The following RGS22 variants were observed in gnomAD, a reference collection of about 807,000 sequenced individuals.
RGS22 encodes the protein regulator of G protein signaling 22.
RGS22 carries 148 observed loss-of-function variants against 172.9 expected under a neutral mutation model. The ratio of observed to expected loss-of-function variants is 0.86; its 90% confidence interval spans 0.75 to 0.98. The LOEUF (loss-of-function observed/expected upper bound fraction) is 0.98. Among genes scored for constraint, RGS22 ranks in the 50% least tolerant of loss-of-function variants. The pLI is 0.00. For missense variants in RGS22, 1,347 were observed against 1,440.8 expected (o/e 0.93, Z 1.05); for synonymous variants, 458 against 480.2 (o/e 0.95, Z 0.60).
chr8:100,081,356 G>C (rs916461551), intron 3 of RGS22, among the ~76,000 whole-genome samples: 1 of 106,116 alleles, frequency 9.4e-6, no homozygotes, highest in Non-Finnish European at 1.9e-5. Context: ...ATATGTGTGC[G>C]TGTATGTATA....
At position 100,001,236 on chromosome 8, in the gene RGS22, A is replaced by ATATATATATATACT. The variant is rs1554611213; in HGVS notation, c.2790+965_2790+966insAGTATATATATATA. 1.1e-4 allele frequency among the ~76,000 whole-genome samples: 14 copies of ATATATATATATACT among 128,654 alleles called. No individual in the cohort carries two copies. The South Asian group carries it at 3.2e-3, about 29-fold the overall frequency. 84.4% of individuals were successfully genotyped at this position (128,654 alleles called of 152,430 possible). A position where few individuals can be genotyped will look rare whatever the true frequency, so the allele number is the denominator to read the frequency against. ...TATATATATACATATATATATATACATTTTTTTTTTTTTTGAGACACAGTC... is the reference window on the plus strand; with the variant it reads ...TATATATATACATATATATATATACATATATATATATACTTTTTTTTTTTTTTTGAGACACAGTC... On this transcript the variant is annotated intron_variant, in intron 18 of 27. Transcript: ENST00000360863.
chr8:99,974,788 ACT>A, intron 23 of RGS22, among the ~76,000 whole-genome samples: 1 of 144,744 alleles, frequency 6.9e-6, no homozygotes, highest in Non-Finnish European at 1.5e-5. Flanking sequence ...ACAGAGCAAG[ACT>A]CTGTCAAAAA....
At chr8:99,962,294 A>T (rs1483469606) in intron 27 of RGS22, 100 bp downstream of exon 27, 1 of 740,394 alleles carries the variant, frequency 1.4e-6, no homozygotes, top group African/African-American at 1.8e-5. Context: ...GGGACATGTT[A>T]TATGTGTGGT....
chr8:100,073,801 T>G (rs1192857524), intron 4 of RGS22, among the ~76,000 whole-genome samples: 1 of 152,252 alleles, frequency 6.6e-6, no homozygotes, highest in Non-Finnish European at 1.5e-5. Flanking sequence ...ACAGTTTACC[T>G]ATAATTCATC....
Position 99,986,376 on chromosome 8 carries a change from G to T in RGS22, c.3180+1082C>A, listed in dbSNP as rs187307843. On this transcript the variant is annotated intron_variant, in intron 21 of 27. Coordinates refer to ENST00000360863, the MANE Select transcript of RGS22 (RefSeq NM_015668.5). The stretch of plus-strand genomic sequence containing the variant: ...TGAGCAACTACTAACTGTATGTTGA[G>T]CAACTGTATTAGTGTCATATAATAT... 2.0e-3 allele frequency among the ~76,000 whole-genome samples: 300 copies of T among 152,256 alleles called. 1 individual carries two copies. Among genetic ancestry groups the T allele is most frequent in the African/African-American group, 6.9e-3 (288 of 41,536 alleles).
rs201975196 is a variant in RGS22 at position 100,082,983 on chromosome 8, GATAACATAGT to G, written c.118-2638_118-2629del. ...GAACAAAGAAAAAAGACTTGAAGTA[GATAACATAGT>G]ATAACCAGATCATGAAAGGCTTTGC... On this transcript the variant is annotated intron_variant, in intron 3 of 27. Coordinates refer to ENST00000360863, the MANE Select transcript of RGS22 (RefSeq NM_015668.5). Among the ~76,000 whole-genome samples the G allele has an allele frequency of 5.2e-3, 792 of 152,340 alleles. 6 individuals are homozygous for G. The highest frequency in any genetic ancestry group is 0.017 in the African/African-American group (725 of 41,576).
chr8:100,039,143 A>G (rs1819829872), intron 13 of RGS22, 111 bp from the exon 14 acceptor site: 1 of 489,220 alleles, frequency 2.0e-6, no homozygotes. Context: ...ACCATAAATC[A>G]GGTTCAATTT....
chr8:100,045,160 G>C (rs1308146041), intron 11 of RGS22, among the ~76,000 whole-genome samples: 2 of 151,880 alleles, frequency 1.3e-5, no homozygotes, highest in Non-Finnish European at 2.9e-5. Context: ...TGTAGTCCTA[G>C]TTACTTGGGA....
At chr8:100,050,566 G>A (rs1047153007) in intron 10 of RGS22, among the ~76,000 whole-genome samples, 1 of 152,172 alleles carries the variant, frequency 6.6e-6, no homozygotes, top group Non-Finnish European at 1.5e-5. Flanking sequence ...TTTCCAAGAG[G>A]TTGTATGTGA....
At chr8:99,963,028 A>G in intron 24 of RGS22, 50 bp from the exon 25 acceptor site, 1 of 1,431,946 alleles carries the variant, frequency 7.0e-7, no homozygotes, top group Non-Finnish European at 9.4e-7. Flanking sequence ...GCTTTAGGAA[A>G]TAAACTGAAG....
chr8:100,063,409 G>A lies in RGS22; in HGVS notation c.1352+7C>T. 6.7e-7 allele frequency: 1 copy of A among 1,499,804 alleles called. No individual in the cohort carries two copies. The highest frequency in any genetic ancestry group is 8.9e-7 in the Non-Finnish European group (1 of 1,122,486). 92.9% of individuals were successfully genotyped at this position (1,499,804 alleles called of 1,614,324 possible). ...AAAACTATTGAAAAATAAAAAAATA[G>A]AATTACCTTTGATGTCTTCCAGGAT... On this transcript the variant is annotated splice_region_variant and intron_variant, in intron 8 of 27. Coordinates refer to ENST00000360863, the MANE Select transcript of RGS22 (RefSeq NM_015668.5).
chr8:100,100,530 T>C (rs1813390715), intron 2 of RGS22, among the ~76,000 whole-genome samples: 1 of 152,168 alleles, frequency 6.6e-6, no homozygotes, highest in African/African-American at 2.4e-5. Flanking sequence ...CCTCAGGTGA[T>C]CTGCCTGCGA....
intron 23 of RGS22, among the ~76,000 whole-genome samples, chr8:99,967,220 C>T (rs1810835006): frequency 2.0e-5 from 3 of 152,200 alleles, no homozygotes; most frequent in Non-Finnish European, 4.4e-5. Context: ...CCACGGTCTT[C>T]ACAACCTGCA....
chr8:99,986,994 C>A (rs1813167367), intron 21 of RGS22, among the ~76,000 whole-genome samples: 1 of 152,060 alleles, frequency 6.6e-6, no homozygotes, highest in Admixed American at 6.6e-5. Context: ...TGAAAAAAAA[C>A]CTAATACAGG....
rs1554626625 is a variant in RGS22, at chr8:100,052,121, T to TTATATATA, written c.1689+673_1689+680dup. Among the ~76,000 whole-genome samples the TTATATATA allele has an allele frequency of 5.6e-5, 2 of 35,410 alleles. 1 individual carries two copies. Among genetic ancestry groups the TTATATATA allele is most frequent in the Non-Finnish European group, 9.5e-5 (2 of 21,144 alleles). The allele number at this position is 35,410 out of a possible 152,430, so 23.2% of individuals were successfully genotyped here. A position where few individuals can be genotyped will look rare whatever the true frequency, so the allele number is the denominator to read the frequency against. On this transcript the variant is annotated intron_variant, in intron 10 of 27. Coordinates refer to ENST00000360863, the MANE Select transcript of RGS22 (RefSeq NM_015668.5). The stretch of plus-strand genomic sequence containing the variant: ...TTTATATATAAATGTTTATATATAT[T>TTATATATA]TATATATAAATATATAAACATATAT...
chr8:100,035,886 CT>C (rs1819400957), intron 14 of RGS22, among the ~76,000 whole-genome samples: 1 of 152,136 alleles, frequency 6.6e-6, no homozygotes, highest in African/African-American at 2.4e-5. Context: ...CATGTTCTCA[CT>C]CATAGGTGGG....
intron 14 of RGS22, among the ~76,000 whole-genome samples, chr8:100,016,978 CTTTTTTTTTTTTTTTTT>C (rs71274949): frequency 0.035 from 1,273 of 36,122 alleles, 44 homozygotes; most frequent in African/African-American, 0.093. Flanking sequence ...CCTTACCAGT[CTTTTTTTTTTTTTTTTT>C]TTTTTTTTTT....
intron 11 of RGS22, among the ~76,000 whole-genome samples, chr8:100,045,216 C>T (rs919313552): frequency 4.6e-5 from 7 of 151,586 alleles, no homozygotes; most frequent in Admixed American, 6.6e-5. Flanking sequence ...CAAGGCTGCA[C>T]GCCATAGCAC....
At chr8:100,032,886 T>C (rs945544237) in intron 14 of RGS22, among the ~76,000 whole-genome samples, 3 of 152,122 alleles carry the variant, frequency 2.0e-5, no homozygotes, top group Non-Finnish European at 2.9e-5. Context: ...CACAACTACA[T>C]GGAAACGGAA....
Sources: allele counts gnomAD v4.1 joint callset (sites outside exome capture counted in the v4.1 genomes callset), GRCh38; gene constraint gnomAD v4.1.1; transcripts MANE v1.5; gene names NCBI Gene and HGNC (gene_info 2026-07-23, HGNC 2026-07-21).